WDFY4: variants seen among roughly 807,000 people sequenced by gnomAD.
WDFY4 encodes the protein WDFY family member 4, also known as WD repeat- and FYVE domain-containing protein 4.
A neutral mutation model predicts 351.9 loss-of-function variants in WDFY4; 169 were observed. The ratio of observed to expected loss-of-function variants is 0.48; its 90% CI spans 0.42 to 0.55. The LOEUF is 0.55. Ranked by LOEUF, WDFY4 falls within the 20% of genes least tolerant of loss-of-function variation. WDFY4 has a pLI of 0.00. For synonymous variants in WDFY4, 1,622 were observed against 1,574.6 expected (o/e 1.03, Z -0.71); for missense variants, 3,803 against 3,935.6 (o/e 0.97, Z 0.90).
At chr10:48,817,464 T>C in intron 32 of WDFY4, 55 bp downstream of exon 32, 3 of 1,489,610 alleles carry the variant, frequency 2.0e-6, no homozygotes, top group Non-Finnish European at 2.7e-6. Flanking sequence ...TCATCATCCT[T>C]CAAGGGCAAA....
chr10:48,850,241 T>C (rs1240945830), intron 39 of WDFY4, among the ~76,000 whole-genome samples: 1 of 152,246 alleles, frequency 6.6e-6, no homozygotes, highest in African/African-American at 2.4e-5. Context: ...TCAAGGGGTG[T>C]GAGCAATTAA....
chr10:48,787,938 T>C (rs867694384), intron 20 of WDFY4, among the ~76,000 whole-genome samples: 79 of 100,580 alleles, frequency 7.9e-4, no homozygotes, highest in South Asian at 5.6e-3. Context: ...TTCTTCTTCT[T>C]CTTCTTCTTC....
At chr10:48,816,144 C>A (rs1032640159) in intron 31 of WDFY4, among the ~76,000 whole-genome samples, 1 of 152,112 alleles carries the variant, frequency 6.6e-6, no homozygotes, top group Non-Finnish European at 1.5e-5. Context: ...ATTTAATTTG[C>A]ACAAATGGTC....
intron 40 of WDFY4, among the ~76,000 whole-genome samples, chr10:48,868,745 C>T (rs1014400948): frequency 6.6e-6 from 1 of 152,196 alleles, no homozygotes; most frequent in Non-Finnish European, 1.5e-5. Flanking sequence ...ACTTCCTAAT[C>T]TGCATCTCGT....
At chr10:48,736,947 A>G (rs191647641) in intron 11 of WDFY4, among the ~76,000 whole-genome samples, 1 of 152,370 alleles carries the variant, frequency 6.6e-6, no homozygotes. Context: ...TGTGTTTGTA[A>G]TATTGTTAAC....
At chr10:48,912,364 C>T (rs76666022) in intron 47 of WDFY4, among the ~76,000 whole-genome samples, 2,471 of 152,310 alleles carry the variant, frequency 0.016, 71 homozygotes, top group African/African-American at 0.054. Context: ...TCCCACTTCA[C>T]GAGTGAGGGA....
At chr10:48,822,628 C>T (rs1589691950) in intron 35 of WDFY4, 91 bp downstream of exon 35, 1 of 1,350,692 alleles carries the variant, frequency 7.4e-7, no homozygotes, top group East Asian at 2.8e-5. Context: ...TCTGCCCTCC[C>T]TCCCTGGAGT....
At chr10:48,756,693 C>T (rs1589531565) in intron 12 of WDFY4, among the ~76,000 whole-genome samples, 1 of 151,982 alleles carries the variant, frequency 6.6e-6, no homozygotes, top group African/African-American at 2.4e-5. Context: ...CTTTCAAATG[C>T]TTTTTATGCA....
intron 43 of WDFY4, among the ~76,000 whole-genome samples, chr10:48,880,127 A>G (rs573361097): frequency 6.6e-6 from 1 of 152,062 alleles, no homozygotes. Flanking sequence ...TTGGCCTCCT[A>G]GGAGAGCCTT....
intron 59 of WDFY4, among the ~76,000 whole-genome samples, chr10:48,977,730 T>A (rs565757594): frequency 6.6e-6 from 1 of 152,346 alleles, no homozygotes; most frequent in South Asian, 2.1e-4. Context: ...TTCGATGTGG[T>A]CACTGAGCTC....
intron 57 of WDFY4, among the ~76,000 whole-genome samples, chr10:48,971,696 C>T (rs1002090874): frequency 1.3e-5 from 2 of 152,226 alleles, no homozygotes; most frequent in South Asian, 2.1e-4. Context: ...GAGGGTGCTG[C>T]GTGGGCACTC....
At chr10:48,952,000 T>C (rs763771739) in intron 51 of WDFY4, among the ~76,000 whole-genome samples, 4 of 152,236 alleles carry the variant, frequency 2.6e-5, no homozygotes, top group Admixed American at 6.5e-5. Context: ...GGAAGGGTTT[T>C]CCGAACCACC....
At chr10:48,912,806 C>A (rs1213721825) in intron 47 of WDFY4, among the ~76,000 whole-genome samples, 1 of 152,186 alleles carries the variant, frequency 6.6e-6, no homozygotes, top group Non-Finnish European at 1.5e-5. Context: ...GCAAGTTATG[C>A]AAGCTCAGTT....
At chr10:48,959,554 G>A (rs1007015248) in intron 52 of WDFY4, among the ~76,000 whole-genome samples, 168 bp from the exon 53 acceptor site, 9 of 152,236 alleles carry the variant, frequency 5.9e-5, no homozygotes, top group Admixed American at 3.9e-4. Context: ...GCCATGCTGA[G>A]GGGTCATTCC....
At chr10:48,797,373 A>T (rs1273592376) in intron 24 of WDFY4, among the ~76,000 whole-genome samples, 1 of 152,230 alleles carries the variant, frequency 6.6e-6, no homozygotes, top group Non-Finnish European at 1.5e-5. Flanking sequence ...TTGTTTATTA[A>T]GAAATTGATA....
chr10:48,719,792 G>A (rs547106112), intron 2 of WDFY4, among the ~76,000 whole-genome samples: 26 of 152,322 alleles, frequency 1.7e-4, no homozygotes, highest in East Asian at 1.2e-3. Context: ...TTAGGGGCTC[G>A]TGTTCAGGTG....
intron 39 of WDFY4, among the ~76,000 whole-genome samples, chr10:48,859,604 C>A (rs1199485051): frequency 1.3e-5 from 2 of 152,064 alleles, no homozygotes; most frequent in African/African-American, 4.8e-5. Context: ...TTGGGGTGTT[C>A]TTGAATTCTG....
In WDFY4 at chr10:48,786,559, A is replaced by G. The variant is rs986484738; in HGVS notation, c.3577-80A>G. The G allele has an allele frequency of 1.0e-5, 11 of 1,053,028 alleles. No individual in the cohort carries two copies. In the East Asian group the frequency reaches 2.1e-4, roughly 20 times the overall value. The allele number at this position is 1,053,028 out of a possible 1,614,324, so 65.2% of individuals were successfully genotyped here. On this transcript the variant is annotated intron_variant, in intron 19 of 61. Transcript: ENST00000325239. Reference sequence around the variant, plus strand: ...TTACTATGAGATGAGAATAAGATGCATCATGTTATATCACTTTGTATTTAC... The same window carrying G: ...TTACTATGAGATGAGAATAAGATGCGTCATGTTATATCACTTTGTATTTAC...
chr10:48,821,113 G>A lies in WDFY4; in HGVS notation c.5761G>A (p.Val1921Ile). 6.4e-7 allele frequency: 1 copy of A among 1,551,720 alleles called. No homozygotes were observed. Among genetic ancestry groups the A allele is most frequent in the Non-Finnish European group, 8.7e-7 (1 of 1,146,990 alleles). ...ACAGAAGCGAGACTTCCAGTCCGAG[G>A]TCCTGCTTTCTGCTATGGAACTATT... The part of the protein sequence containing the change: ...SQQKRDFQSE[V>I]LLSAMELFHM... The change falls in exon 34 of 62, where the codon GTC (valine) becomes ATC (isoleucine). Residue 1921 changes from valine to isoleucine, a missense_variant. Transcript: ENST00000325239.
Sources: gnomAD v4.1 joint callset for allele counts (sites outside exome capture counted in the v4.1 genomes callset) on GRCh38, gnomAD v4.1.1 for gene constraint, MANE v1.5 for transcripts, NCBI Gene and HGNC (gene_info 2026-07-23, HGNC 2026-07-21) for gene names.